Variants in ARHGAP35 observed in about 807,000 individuals in gnomAD.
ARHGAP35 encodes the protein rho GTPase-activating protein 35.
Under a neutral mutation model 111.1 loss-of-function variants are expected in ARHGAP35, and 15 were observed. The ratio of observed to expected loss-of-function variants is 0.13; its 90% CI spans 0.09 to 0.21. The LOEUF (loss-of-function observed/expected upper bound fraction) is 0.21. ARHGAP35 is among the 10% of genes least tolerant of loss of function. The pLI is 1.00. For missense variants in ARHGAP35, 1,262 were observed against 1,873.0 expected (o/e 0.67, Z 6.02); for synonymous variants, 643 against 710.3 (o/e 0.91, Z 1.51).
intron 3 of ARHGAP35, among the ~76,000 whole-genome samples, chr19:46,979,760 A>C (rs921962353): frequency 1.3e-5 from 2 of 152,152 alleles, no homozygotes; most frequent in Non-Finnish European, 2.9e-5. Context: ...ACACCCAGTC[A>C]AGTCATCGTA....
chr19:46,921,880 A>G lies in ARHGAP35; in HGVS notation c.3205A>G (p.Lys1069Glu). The G allele has an allele frequency of 6.2e-7, 1 of 1,613,966 alleles. No homozygotes were observed. Among genetic ancestry groups the G allele is most frequent in the South Asian group, 1.1e-5 (1 of 91,068 alleles). ...CCAAGGCCATAGGGATGGACAGAGG[A>G]AGTCTGTGTCTTCTAGCCCCTGGCT... The part of the protein sequence containing the change: ...LDQGHRDGQR[K>E]SVSSSPWLPQ... Residue 1069 changes from lysine to glutamate, a missense_variant, in exon 2 of 7, where the codon AAG becomes GAG. This residue lies in a region of ARHGAP35 where 579 missense variants were observed against 716.9 expected (regional missense o/e 0.81). Coordinates refer to ENST00000672722, the MANE Select transcript of ARHGAP35 (RefSeq NM_004491.5). The surrounding 1 kb of genome is among the most constrained non-coding windows in gnomAD (Gnocchi z 4.3).
At chr19:46,910,436 C>G (rs2122180643) in intron 1 of ARHGAP35, among the ~76,000 whole-genome samples, 1 of 151,368 alleles carries the variant, frequency 6.6e-6, no homozygotes, top group Non-Finnish European at 1.5e-5. Context: ...GATTACATGG[C>G]ATGCACCACC....
rs35048370 is a variant in ARHGAP35 at position 47,003,918 on chromosome 19, G to GCACACACACACA, written c.*3251_*3262dup. ...GCAGGCCACCAGGCATTCTGGACACGCACACACACACACACACACACACAC... is the reference window on the plus strand; with the variant it reads ...GCAGGCCACCAGGCATTCTGGACACGCACACACACACACACACACACACACACACACACACAC... On this transcript the variant is annotated 3_prime_UTR_variant, in exon 7 of 7. Transcript: ENST00000672722. The GCACACACACACA allele has an allele frequency of 2.5e-4, 26 of 104,310 alleles. No individual in the cohort carries two copies. Among genetic ancestry groups the GCACACACACACA allele is most frequent in the Non-Finnish European group, 1.2e-4 (6 of 48,258 alleles). The allele number at this position is 104,310 out of a possible 1,614,324, so 6.5% of individuals were successfully genotyped here. A position where few individuals can be genotyped will look rare whatever the true frequency, so the allele number is the denominator to read the frequency against.
intron 3 of ARHGAP35, among the ~76,000 whole-genome samples, chr19:46,972,537 C>T (rs141890584): frequency 6.6e-6 from 1 of 152,174 alleles, no homozygotes; most frequent in Admixed American, 6.5e-5. Flanking sequence ...GTGAGAGGTA[C>T]GAAAGCAGTG....
rs1192498176 is a variant in ARHGAP35, at chr19:46,937,244, C to T, written c.3682-20C>T. On this transcript the variant is annotated intron_variant, in intron 2 of 6. Transcript: ENST00000672722. ...GATACTCACTTTGTTTTTGTGCTTC[C>T]CTTTCTCTTTCCTGGACAGAAACCA... is the stretch of plus-strand genomic sequence containing the variant. The T allele has an allele frequency of 6.2e-7, 1 of 1,612,934 alleles. No individual in the cohort carries two copies. The highest frequency in any genetic ancestry group is 8.5e-7 in the Non-Finnish European group (1 of 1,179,404).
intron 2 of ARHGAP35, among the ~76,000 whole-genome samples, chr19:46,930,625 A>G (rs1231399564): frequency 1.3e-5 from 2 of 149,470 alleles, no homozygotes; most frequent in African/African-American, 5.0e-5. Context: ...TAAAATCTAG[A>G]TAAGTAACTT....
At chr19:46,996,050 C>T (rs1301563169) in intron 5 of ARHGAP35, among the ~76,000 whole-genome samples, 2 of 152,166 alleles carry the variant, frequency 1.3e-5, no homozygotes, top group Admixed American at 6.5e-5. Flanking sequence ...ACTAGGCGTT[C>T]GGCTGAGGTG....
chr19:46,869,288 C>T (rs1345404584), intron 1 of ARHGAP35, among the ~76,000 whole-genome samples: 1 of 151,958 alleles, frequency 6.6e-6, no homozygotes, highest in East Asian at 1.9e-4. Context: ...CTAATAGCCT[C>T]CTGAGGTGTA....
At chr19:46,903,997 G>A (rs1351832021) in intron 1 of ARHGAP35, among the ~76,000 whole-genome samples, 1 of 152,006 alleles carries the variant, frequency 6.6e-6, no homozygotes, top group Admixed American at 6.6e-5. Context: ...TATACATTTA[G>A]TGAGGGGTGG....
chr19:46,956,779 C>T (rs1262300874), intron 3 of ARHGAP35, among the ~76,000 whole-genome samples: 1 of 152,152 alleles, frequency 6.6e-6, no homozygotes, highest in East Asian at 1.9e-4. Context: ...GGGCAAGTGA[C>T]TTACCCTGTC....
intron 3 of ARHGAP35, among the ~76,000 whole-genome samples, chr19:46,982,975 G>A (rs1175739054): frequency 6.8e-6 from 1 of 146,980 alleles, no homozygotes; most frequent in Non-Finnish European, 1.5e-5. Flanking sequence ...GATCGCTTGA[G>A]CCTGGGAGGT....
chr19:47,001,558 T>A lies in ARHGAP35; in HGVS notation c.*870T>A. On this transcript the variant is annotated 3_prime_UTR_variant, in exon 7 of 7. Coordinates refer to ENST00000672722, the MANE Select transcript of ARHGAP35 (RefSeq NM_004491.5). This position sits in a 1 kb window ranked among gnomAD's most constrained non-coding sequence, Gnocchi z 5.4. ...TGCCTGGAGCTGTGGCCTGAGGGCC[T>A]GCTGGGGTCCCACTCACCCACTTAG... 6.2e-6 allele frequency: 3 copies of A among 483,120 alleles called. No homozygotes were observed. Among genetic ancestry groups the A allele is most frequent in the South Asian group, 5.9e-5 (3 of 50,610 alleles). The allele number at this position is 483,120 out of a possible 1,614,324, so 29.9% of individuals were successfully genotyped here.
At position 46,921,758 on chromosome 19, in the gene ARHGAP35, A is replaced by G; in HGVS notation, c.3083A>G (p.Asn1028Ser). Reference protein sequence around the residue: ...GNDGLSFIMSNFESKLNNKVP... With the variant: ...GNDGLSFIMSSFESKLNNKVP... ...GATGGGCTGTCTTTCATTATGAGCA[A>G]TTTTGAGAGTAAACTGAACAACAAA... Residue 1028 changes from asparagine (N) to serine (S), a missense_variant, in exon 2 of 7, where the codon AAT becomes AGT. Around this residue, in one of 8 missense-constraint regions of ARHGAP35, gnomAD observed 579 missense variants for 716.9 expected, o/e 0.81. Coordinates refer to ENST00000672722, the MANE Select transcript of ARHGAP35 (RefSeq NM_004491.5). The surrounding 1 kb of genome is among the most constrained non-coding windows in gnomAD (Gnocchi z 4.3). 1 of 1,613,980 alleles carries G rather than the reference A, an allele frequency of 6.2e-7. No individual in the cohort carries two copies. Among genetic ancestry groups the G allele is most frequent in the Non-Finnish European group, 8.5e-7 (1 of 1,179,872 alleles).
At chr19:46,875,778 A>T (rs924509564) in intron 1 of ARHGAP35, among the ~76,000 whole-genome samples, 3 of 152,158 alleles carry the variant, frequency 2.0e-5, no homozygotes, top group Non-Finnish European at 4.4e-5. Context: ...GGTGCTGCAA[A>T]GGCGGCGTGA....
intron 2 of ARHGAP35, among the ~76,000 whole-genome samples, chr19:46,932,285 A>G (rs1162341979): frequency 2.0e-5 from 3 of 152,164 alleles, no homozygotes; most frequent in Non-Finnish European, 4.4e-5. Flanking sequence ...CCATTTCAGT[A>G]AAAATAAATA....
Position 46,921,673 on chromosome 19 carries a change from A to C in ARHGAP35, c.2998A>C (p.Thr1000Pro). ...ATCTTACAGCCTGTTTCGAGAAGAC[A>C]CATCACTGCCTTCTCTGTCCAAAGA... ...EPSYSLFRED[T>P]SLPSLSKDHS... Residue 1000 changes from threonine to proline, a missense_variant, in exon 2 of 7, where the codon ACA (threonine) becomes CCA (proline). Transcript: ENST00000672722. The surrounding 1 kb of genome is among the most constrained non-coding windows in gnomAD (Gnocchi z 4.3). The C allele has an allele frequency of 1.2e-6, 2 of 1,614,008 alleles. No homozygotes were observed. Among genetic ancestry groups the C allele is most frequent in the South Asian group, 1.1e-5 (1 of 91,076 alleles).
Position 46,920,301 on chromosome 19 carries a change from C to T in ARHGAP35, c.1626C>T (p.Ala542=). 2 of 1,613,932 alleles carry T rather than the reference C, an allele frequency of 1.2e-6. No homozygotes were observed. The highest frequency in any genetic ancestry group is 2.2e-5 in the South Asian group (2 of 91,080). Residue 542 remains alanine, a synonymous_variant, in exon 2 of 7, where the codon GCC becomes GCT. Transcript: ENST00000672722. This position sits in a 1 kb window ranked among gnomAD's most constrained non-coding sequence, Gnocchi z 7.0. ...AAAAGCTCCAAGCAGAGCGTGATGCCCTTATTCTGAAACACATTCATTTTG... is the reference window on the plus strand; with the variant it reads ...AAAAGCTCCAAGCAGAGCGTGATGCTCTTATTCTGAAACACATTCATTTTG... ...ALQKLQAERD[A]LILKHIHFVY...
At chr19:46,969,959 G>A (rs754762888) in intron 3 of ARHGAP35, among the ~76,000 whole-genome samples, 2 of 152,178 alleles carry the variant, frequency 1.3e-5, no homozygotes, top group East Asian at 1.9e-4. Context: ...CCTTTGCTCC[G>A]CTGCCTGGCT....
intron 2 of ARHGAP35, among the ~76,000 whole-genome samples, chr19:46,927,747 T>A (rs1296752904): frequency 6.6e-6 from 1 of 152,158 alleles, no homozygotes; most frequent in Admixed American, 6.5e-5. Flanking sequence ...GATTTTGAGT[T>A]GAGGTAACTA....
Sources: allele counts gnomAD v4.1 joint callset (sites outside exome capture counted in the v4.1 genomes callset), GRCh38; gene constraint gnomAD v4.1.1; regional missense constraint gnomAD v4.1.1; non-coding constraint Gnocchi (gnomAD v3.1); transcripts MANE v1.5; gene names NCBI Gene and HGNC (gene_info 2026-07-23, HGNC 2026-07-21).